Variants in USH2A observed in about 807,000 individuals in gnomAD.
USH2A encodes Usher syndrome 2A (autosomal recessive, mild).
A neutral mutation model predicts 538.9 loss-of-function variants in USH2A; 443 were observed. The observed-to-expected ratio is 0.82, with a 90% confidence interval of 0.76 to 0.89. The LOEUF is 0.89. Among genes scored for constraint, USH2A ranks in the 40% least tolerant of loss-of-function variants. The probability of loss-of-function intolerance (pLI) is 0.00; values close to 1 mark genes in which losing one functional copy is unlikely to be tolerated. For missense variants in USH2A, 6,633 were observed against 6,324.8 expected (o/e 1.05, Z -1.65); for synonymous variants, 2,413 against 2,273.5 (o/e 1.06, Z -1.75).
chr1:216,061,374 T>G (rs1042350841), intron 30 of USH2A, among the ~76,000 whole-genome samples: 3 of 152,242 alleles, frequency 2.0e-5, no homozygotes, highest in African/African-American at 7.2e-5. Context: ...ATTCCTTTGC[T>G]AGTATTTTCT....
chr1:216,253,460 C>G (rs1028793674), intron 11 of USH2A, among the ~76,000 whole-genome samples: 1 of 152,144 alleles, frequency 6.6e-6, no homozygotes, highest in African/African-American at 2.4e-5. Flanking sequence ...GCCACTGCAC[C>G]TGGCCTTGTT....
intron 9 of USH2A, among the ~76,000 whole-genome samples, chr1:216,316,831 G>A (rs898053065): frequency 4.6e-5 from 7 of 151,886 alleles, no homozygotes; most frequent in African/African-American, 1.7e-4. Context: ...TAAAAATTGG[G>A]CAATGAACAT....
At chr1:216,337,666 G>A (rs1207518202) in intron 4 of USH2A, among the ~76,000 whole-genome samples, 2 of 151,174 alleles carry the variant, frequency 1.3e-5, no homozygotes, top group Admixed American at 6.6e-5. Flanking sequence ...TTAAAGGAAT[G>A]TCTAGACCTC....
rs1415676056 is a variant in USH2A, at chr1:216,322,021, C to T, written c.1551-45G>A. 3.2e-6 allele frequency: 5 copies of T among 1,572,316 alleles called. No homozygotes were observed. In the African/African-American group the frequency reaches 5.4e-5, roughly 17 times the overall value. On this transcript the variant is annotated intron_variant, in intron 8 of 71. Coordinates refer to ENST00000307340, the MANE Select transcript of USH2A (RefSeq NM_206933.4). The stretch of plus-strand genomic sequence containing the variant: ...ACACTCCTAAGGAACACCAACTCAA[C>T]TGTGAATATATTTAAGGTCCTAGGA...
intron 38 of USH2A, among the ~76,000 whole-genome samples, chr1:215,901,695 A>G (rs1665506409): frequency 6.6e-6 from 1 of 152,192 alleles, no homozygotes; most frequent in Non-Finnish European, 1.5e-5. Flanking sequence ...AAGGCCTAAC[A>G]GGAATGTGTA....
rs12049080 is a variant in USH2A at position 215,836,490 on chromosome 1, A to T, written c.9371+1501T>A. On this transcript the variant is annotated intron_variant, in intron 47 of 71. Transcript: ENST00000307340. ...TATATATATATATATAATATATATT[A>T]TATATATAATATATATTATATATAT... 5.5e-3 allele frequency among the ~76,000 whole-genome samples: 119 copies of T among 21,742 alleles called. 5 individuals carry two copies. Among genetic ancestry groups the T allele is most frequent in the African/African-American group, 0.022 (108 of 4,916 alleles). The allele number at this position is 21,742 out of a possible 152,430, so 14.3% of individuals were successfully genotyped here.
intron 21 of USH2A, among the ~76,000 whole-genome samples, chr1:216,103,743 C>T (rs867545380): frequency 2.6e-5 from 4 of 152,012 alleles, no homozygotes; most frequent in East Asian, 1.9e-4. Flanking sequence ...ATGAGCAAAA[C>T]GTCTAAACAA....
At chr1:215,722,572 A>C (rs1236546255) in intron 61 of USH2A, among the ~76,000 whole-genome samples, 3 of 152,242 alleles carry the variant, frequency 2.0e-5, no homozygotes, top group Non-Finnish European at 4.4e-5. Context: ...ATAGGAAACA[A>C]ACCCTTGAGG....
chr1:216,251,607 C>T (rs961212516), intron 11 of USH2A, among the ~76,000 whole-genome samples: 18 of 151,916 alleles, frequency 1.2e-4, no homozygotes, highest in Admixed American at 3.3e-4. Context: ...CCCGCCACCA[C>T]GCTCAGCTAA....
intron 41 of USH2A, among the ~76,000 whole-genome samples, chr1:215,883,782 T>C (rs1664980402): frequency 1.3e-5 from 2 of 152,170 alleles, no homozygotes; most frequent in Non-Finnish European, 2.9e-5. Context: ...ACCATATTAT[T>C]ATAACTCAAT....
chr1:215,923,675 C>A (rs1014160345), intron 38 of USH2A, among the ~76,000 whole-genome samples: 1 of 151,962 alleles, frequency 6.6e-6, no homozygotes, highest in Non-Finnish European at 1.5e-5. Context: ...AATTGGAGCC[C>A]TGTCATCAAA....
intron 58 of USH2A, among the ~76,000 whole-genome samples, chr1:215,757,527 A>G (rs1034280169): frequency 6.6e-6 from 1 of 152,230 alleles, no homozygotes; most frequent in Non-Finnish European, 1.5e-5. Context: ...TGATGGCGAC[A>G]AAAAGGGCGT....
At chr1:216,174,349 T>C (rs2034331199) in intron 21 of USH2A, 5 of 983,258 alleles carry the variant, frequency 5.1e-6, no homozygotes, top group Non-Finnish European at 6.0e-6. Context: ...AAAAATGGTG[T>C]ACCATAAGTA....
At chr1:215,708,478 A>G (rs898403716) in intron 61 of USH2A, among the ~76,000 whole-genome samples, 5 of 152,234 alleles carry the variant, frequency 3.3e-5, no homozygotes, top group African/African-American at 1.2e-4. Context: ...AGTGCAAAGC[A>G]GTGATCCCCA....
chr1:215,881,383 AC>A (rs1288232751), intron 41 of USH2A, among the ~76,000 whole-genome samples: 7 of 152,142 alleles, frequency 4.6e-5, no homozygotes, highest in African/African-American at 1.4e-4. Context: ...CAGGTGATCC[AC>A]CTGCCTTTGC....
intron 61 of USH2A, 29 bp downstream of exon 61, chr1:215,728,001 A>T (rs1659877234): frequency 6.2e-7 from 1 of 1,605,102 alleles, no homozygotes; most frequent in South Asian, 1.1e-5. Flanking sequence ...GATAATCTGC[A>T]TGTCTGTTAC....
intron 30 of USH2A, among the ~76,000 whole-genome samples, chr1:216,052,297 C>G (rs934877273): frequency 2.0e-5 from 3 of 151,496 alleles, no homozygotes; most frequent in African/African-American, 7.3e-5. Flanking sequence ...CTCACATTTC[C>G]CATTTCAAGC....
In USH2A at chr1:216,246,828, T is replaced by G. The variant is rs2036058036; in HGVS notation, c.2566A>C (p.Asn856His). The G allele has an allele frequency of 6.2e-7, 1 of 1,614,046 alleles. No individual in the cohort carries two copies. Among genetic ancestry groups the G allele is most frequent in the Admixed American group, 1.7e-5 (1 of 59,996 alleles). The change falls in exon 13 of 72, where the codon AAT becomes CAT. Residue 856 changes from asparagine to histidine, a missense_variant. Coordinates refer to ENST00000307340, the MANE Select transcript of USH2A (RefSeq NM_206933.4). ...PCNCDKTGTI[N>H]GSLLCNKSTG... ...GATTTGTTACACAGCAGAGAGCCAT[T>G]TATTGTCCCAGTCTTATCACAGTTG...
At chr1:216,078,669 C>T (rs1452264306) in intron 26 of USH2A, among the ~76,000 whole-genome samples, 1 of 152,070 alleles carries the variant, frequency 6.6e-6, no homozygotes, top group African/African-American at 2.4e-5. Flanking sequence ...GAAGATTAAA[C>T]CCCTGCATAA....
Sources: gnomAD v4.1 joint callset for allele counts (sites outside exome capture counted in the v4.1 genomes callset) on GRCh38, gnomAD v4.1.1 for gene constraint, MANE v1.5 for transcripts, NCBI Gene and HGNC (gene_info 2026-07-23, HGNC 2026-07-21) for gene names.